Variants in CBLN2 observed in about 807,000 individuals in gnomAD.
CBLN2 encodes the protein cerebellin 2 precursor.
A neutral mutation model predicts 15.0 loss-of-function variants in CBLN2; 7 were observed. That is an observed-to-expected ratio of 0.47 (90% confidence interval 0.27 to 0.88). CBLN2 has a LOEUF of 0.88. Among genes scored for constraint, CBLN2 ranks in the 40% least tolerant of loss-of-function variants. The pLI, the probability that CBLN2 is intolerant of heterozygous loss-of-function variation, is 0.14. For synonymous variants in CBLN2, 149 were observed against 135.2 expected, an observed-to-expected ratio of 1.10 and a Z score of -0.71; for missense variants, 242 against 304.5, an observed-to-expected ratio of 0.79 and a Z score of 1.53.
chr18:72,576,850 G>A (rs1024720938), intron 1 of CBLN2, among the ~76,000 whole-genome samples: 3 of 149,550 alleles, frequency 2.0e-5, no homozygotes, highest in Non-Finnish European at 4.4e-5. Flanking sequence ...TAGAAAATTA[G>A]TGATAAATAT....
At chr18:72,636,577 C>T (rs539592464) in intron 1 of CBLN2, among the ~76,000 whole-genome samples, 5 of 152,122 alleles carry the variant, frequency 3.3e-5, no homozygotes, top group Non-Finnish European at 7.3e-5. Flanking sequence ...AATGACCCTC[C>T]CCTAGAAGTC....
chr18:72,563,680 C>T (rs1321778522), intron 1 of CBLN2, among the ~76,000 whole-genome samples: 1 of 152,194 alleles, frequency 6.6e-6, no homozygotes, highest in East Asian at 1.9e-4. Flanking sequence ...TTCACATGCT[C>T]CATTTGTTTG....
intron 1 of CBLN2, among the ~76,000 whole-genome samples, chr18:72,596,329 C>T (rs2069513587): frequency 6.6e-6 from 1 of 151,776 alleles, no homozygotes; most frequent in Non-Finnish European, 1.5e-5. Context: ...AAACATCATC[C>T]TCCTGCTTCT....
chr18:72,598,877 C>T (rs992653822), intron 1 of CBLN2, among the ~76,000 whole-genome samples: 1 of 152,216 alleles, frequency 6.6e-6, no homozygotes, highest in Non-Finnish European at 1.5e-5. Flanking sequence ...TGCACTCTCT[C>T]TCCTCTAAGT....
chr18:72,571,565 G>A (rs1392016306), intron 1 of CBLN2, among the ~76,000 whole-genome samples: 1 of 152,210 alleles, frequency 6.6e-6, no homozygotes, highest in African/African-American at 2.4e-5. Context: ...TTGGTGCTTT[G>A]ACAATTAGCT....
chr18:72,538,925 G>A, intron 3 of CBLN2, 153 bp from the exon 4 acceptor site: 1 of 893,126 alleles, frequency 1.1e-6, no homozygotes, highest in East Asian at 2.6e-5. Flanking sequence ...CCAGGAAGGA[G>A]GCAGTGCTGA....
At position 72,630,564 on chromosome 18, in the gene CBLN2, C is replaced by CAG. The variant is rs368831135; in HGVS notation, c.15+7759_15+7760dup. Among the ~76,000 whole-genome samples the CAG allele has an allele frequency of 2.6e-3, 354 of 135,574 alleles. 3 individuals carry two copies. The highest frequency in any genetic ancestry group is 6.6e-3 in the African/African-American group (223 of 33,628). 88.9% of individuals were successfully genotyped at this position (135,574 alleles called of 152,430 possible). On this transcript the variant is annotated intron_variant, in intron 1 of 2. Coordinates refer to the CBLN2 transcript ENST00000581073. ...CCTCCCCCCCACACACACACACATG[C>CAG]AGAGAGAGAGAGAGAGAGAGAGAGG...
chr18:72,594,580 G>T (rs963554697), intron 1 of CBLN2, among the ~76,000 whole-genome samples: 1 of 151,600 alleles, frequency 6.6e-6, no homozygotes, highest in East Asian at 1.9e-4. Flanking sequence ...TATTTATTCT[G>T]TTTTTTGGAA....
intron 1 of CBLN2, among the ~76,000 whole-genome samples, chr18:72,624,598 C>T (rs529739639): frequency 1.2e-4 from 19 of 152,228 alleles, no homozygotes; most frequent in African/African-American, 4.3e-4. Context: ...CAAGATTGTG[C>T]CACTGCACTC....
intron 1 of CBLN2, among the ~76,000 whole-genome samples, chr18:72,575,679 C>T (rs1409596655): frequency 6.6e-6 from 1 of 152,072 alleles, no homozygotes; most frequent in African/African-American, 2.4e-5. Flanking sequence ...GGATGAAGGG[C>T]CAGTCTCTGG....
At position 72,540,790 on chromosome 18, in the gene CBLN2, A is replaced by C. The variant is rs550950314; in HGVS notation, c.357+1014T>G. Among the ~76,000 whole-genome samples the C allele has an allele frequency of 5.3e-5, 8 of 152,336 alleles. No individual in the cohort carries two copies. The East Asian group carries it at 1.3e-3, about 26-fold the overall frequency. On this transcript the variant is annotated intron_variant, in intron 3 of 4. Coordinates refer to ENST00000269503, the MANE Select transcript of CBLN2 (RefSeq NM_182511.4). The stretch of plus-strand genomic sequence containing the variant: ...CTGTAGGTTTATGGTTATTAAGTTT[A>C]AGAGTTGCCTAACAGACCAAAGGAA...
intron 1 of CBLN2, among the ~76,000 whole-genome samples, chr18:72,576,655 A>G (rs1455950912): frequency 1.3e-5 from 2 of 152,086 alleles, no homozygotes; most frequent in Admixed American, 6.5e-5. Flanking sequence ...AAATCCTTTT[A>G]TTTAGTATCT....
intron 1 of CBLN2, among the ~76,000 whole-genome samples, chr18:72,561,324 A>G (rs2069260058): frequency 6.6e-6 from 1 of 152,098 alleles, no homozygotes; most frequent in African/African-American, 2.4e-5. Context: ...AAACCAGAAG[A>G]AAAGTAAAAT....
intron 1 of CBLN2, among the ~76,000 whole-genome samples, chr18:72,578,806 A>T (rs1039366049): frequency 1.7e-4 from 26 of 152,206 alleles, no homozygotes; most frequent in Non-Finnish European, 2.8e-4. Flanking sequence ...GTTTAAGAAA[A>T]ACATGCTTTT....
intron 1 of CBLN2, among the ~76,000 whole-genome samples, chr18:72,612,217 A>G (rs909999401): frequency 1.3e-5 from 2 of 152,162 alleles, no homozygotes; most frequent in Non-Finnish European, 2.9e-5. Context: ...CACTTTGGCT[A>G]GTCAGGCTCT....
In CBLN2 at chr18:72,542,017, G is replaced by C. The variant is rs759918734; in HGVS notation, c.144C>G (p.Pro48=). The change falls in exon 3 of 5, where the codon CCC becomes CCG. Residue 48 remains proline (P), a synonymous_variant. Transcript: ENST00000269503. ...GCTCCGTGTCGTTCTGCGCCCGCAC[G>C]GGGCAGCAGGCGGGCAGTAGCAGCA... ...LLLLLLPACC[P]VRAQNDTEPI... 5.6e-6 allele frequency: 9 copies of C among 1,596,690 alleles called. No homozygotes were observed. Among genetic ancestry groups the C allele is most frequent in the South Asian group, 1.1e-5 (1 of 89,634 alleles).
rs543997358 is a variant in CBLN2 at position 72,592,609 on chromosome 18, T to C, written c.15+45716A>G. On this transcript the variant is annotated intron_variant, in intron 1 of 2. Transcript: ENST00000581073. Reference sequence around the variant, plus strand: ...GATTTTCTCCAATTTTTTCTTATAGTAGTTTCATAGTTTGAGGTATTATAT... The same window carrying C: ...GATTTTCTCCAATTTTTTCTTATAGCAGTTTCATAGTTTGAGGTATTATAT... Among the ~76,000 whole-genome samples, 452 of 152,224 alleles carry C rather than the reference T, an allele frequency of 3.0e-3. 1 individual carries two copies. Among genetic ancestry groups the C allele is most frequent in the Non-Finnish European group, 3.8e-3 (255 of 67,952 alleles).
intron 1 of CBLN2, among the ~76,000 whole-genome samples, chr18:72,566,813 A>ATGT (rs1215910937): frequency 6.6e-6 from 1 of 151,912 alleles, no homozygotes; most frequent in Non-Finnish European, 1.5e-5. Flanking sequence ...CCAAAAAGAA[A>ATGT]TGTTGTTGTT....
At chr18:72,629,334 C>A (rs1220842072) in intron 1 of CBLN2, among the ~76,000 whole-genome samples, 8 of 151,698 alleles carry the variant, frequency 5.3e-5, no homozygotes, top group Non-Finnish European at 2.9e-5. Context: ...CAAACACAAT[C>A]AAAAATTTAA....
Sources: allele counts gnomAD v4.1 joint callset (sites outside exome capture counted in the v4.1 genomes callset), GRCh38; gene constraint gnomAD v4.1.1; transcripts MANE v1.5; gene names NCBI Gene and HGNC (gene_info 2026-07-23, HGNC 2026-07-21).